The following ADAMTSL2 variants were observed in gnomAD, a reference collection of about 807,000 sequenced individuals.
The protein encoded by ADAMTSL2 is ADAMTS like 2.
Under a neutral mutation model 117.0 loss-of-function variants are expected in ADAMTSL2, and 55 were observed. The ratio of observed to expected loss-of-function variants is 0.47; its 90% confidence interval spans 0.38 to 0.59. ADAMTSL2 has a LOEUF of 0.59. ADAMTSL2 is among the 20% of genes least tolerant of loss of function. The pLI, the probability that ADAMTSL2 is intolerant of heterozygous loss-of-function variation, is 0.00. For synonymous variants in ADAMTSL2, 572 were observed against 566.4 expected (o/e 1.01, Z -0.14); for missense variants, 1,182 against 1,354.5 (o/e 0.87, Z 2.00).
intron 11 of ADAMTSL2, 76 bp downstream of exon 11, chr9:133,556,006 G>A (rs888484753): frequency 4.8e-5 from 75 of 1,561,086 alleles, no homozygotes; most frequent in Non-Finnish European, 6.3e-5. Context: ...AGAAAGTGAG[G>A]CCCCACTGGG....
At position 133,540,875 on chromosome 9, in the gene ADAMTSL2, C is replaced by T; in HGVS notation, c.559-3C>T. On this transcript the variant is annotated splice_polypyrimidine_tract_variant and splice_region_variant and intron_variant, in intron 6 of 18. Transcript: ENST00000651351. ...GCAGCCCTCTCCCTCTCCCTTCCTGCAGCCCATCGGCTGTGACGGGGTGCT... is the reference window on the plus strand; with the variant it reads ...GCAGCCCTCTCCCTCTCCCTTCCTGTAGCCCATCGGCTGTGACGGGGTGCT... The T allele has an allele frequency of 1.9e-6, 3 of 1,613,434 alleles. No individual in the cohort carries two copies. The highest frequency in any genetic ancestry group is 1.7e-6 in the Non-Finnish European group (2 of 1,180,010).
intron 16 of ADAMTSL2, 113 bp from the exon 17 acceptor site, chr9:133,570,218 A>G (rs1373095943): frequency 1.7e-6 from 2 of 1,208,726 alleles, no homozygotes; most frequent in Non-Finnish European, 2.3e-6. Context: ...GCACTGGAGC[A>G]TTCTCACCCA....
intron 5 of ADAMTSL2, 117 bp from the exon 6 acceptor site, chr9:133,540,481 G>C: frequency 2.2e-6 from 3 of 1,392,076 alleles, no homozygotes; most frequent in Non-Finnish European, 3.0e-6. Flanking sequence ...TGTTCTCCAG[G>C]CCTGAGTTGC....
At chr9:133,564,625 G>A (rs867154616) in intron 12 of ADAMTSL2, among the ~76,000 whole-genome samples, 137 of 20,586 alleles carry the variant, frequency 6.7e-3, no homozygotes, top group Admixed American at 0.011. Context: ...AGAGAGAGAG[G>A]GAGAGAGAGA....
At chr9:133,569,137 T>C (rs924889464) in intron 15 of ADAMTSL2, among the ~76,000 whole-genome samples, 3 of 152,074 alleles carry the variant, frequency 2.0e-5, no homozygotes, top group Non-Finnish European at 4.4e-5. Flanking sequence ...GTCTCTCTCA[T>C]CGAGAGAGAT....
Position 133,534,711 on chromosome 9 carries a change from T to C in ADAMTSL2, c.-357T>C. 4 of 1,375,734 alleles carry C rather than the reference T, an allele frequency of 2.9e-6. No homozygotes were observed. The highest frequency in any genetic ancestry group is 3.8e-6 in the Non-Finnish European group (4 of 1,058,340). The allele number at this position is 1,375,734 out of a possible 1,614,324, so 85.2% of individuals were successfully genotyped here. On this transcript the variant is annotated 5_prime_UTR_variant, in exon 1 of 19. Transcript: ENST00000651351. Reference sequence around the variant, plus strand: ...CGCCGGCGCAGAGCCGCCACTGGGCTGCGCCCCTCCCGGGAACCCCCTCTC... The same window carrying C: ...CGCCGGCGCAGAGCCGCCACTGGGCCGCGCCCCTCCCGGGAACCCCCTCTC...
chr9:133,533,678 G>A (rs1330034368), upstream of ADAMTSL2, among the ~76,000 whole-genome samples: 1 of 152,214 alleles, frequency 6.6e-6, no homozygotes, highest in Non-Finnish European at 1.5e-5. Context: ...GAAGGCAGCT[G>A]AAGGAACTCA....
chr9:133,570,290 T>C (rs1831073493), intron 16 of ADAMTSL2, 41 bp from the exon 17 acceptor site: 1 of 1,535,188 alleles, frequency 6.5e-7, no homozygotes, highest in Admixed American at 2.0e-5. Flanking sequence ...AGGGTCCTGC[T>C]GGGCCCTGGC....
intron 12 of ADAMTSL2, among the ~76,000 whole-genome samples, chr9:133,566,470 T>A (rs1830976070): frequency 6.6e-6 from 1 of 152,092 alleles, no homozygotes; most frequent in Non-Finnish European, 1.5e-5. Context: ...GGATGCTTGC[T>A]AAGGACTGGG....
At chr9:133,551,834 T>G (rs1830492450) in intron 9 of ADAMTSL2, among the ~76,000 whole-genome samples, 2 of 147,596 alleles carry the variant, frequency 1.4e-5, no homozygotes. Context: ...TTTTTTTTTT[T>G]TTTTGTTATT....
In ADAMTSL2 at chr9:133,534,731, C is replaced by A; in HGVS notation, c.-337C>A. 7.2e-7 allele frequency: 1 copy of A among 1,390,272 alleles called. No homozygotes were observed. Among genetic ancestry groups the A allele is most frequent in the Non-Finnish European group, 9.4e-7 (1 of 1,065,216 alleles). The allele number at this position is 1,390,272 out of a possible 1,614,324, so 86.1% of individuals were successfully genotyped here. A position where few individuals can be genotyped will look rare whatever the true frequency, so the allele number is the denominator to read the frequency against. On this transcript the variant is annotated 5_prime_UTR_variant, in exon 1 of 19. Coordinates refer to ENST00000651351, the MANE Select transcript of ADAMTSL2 (RefSeq NM_014694.4). ...TGGGCTGCGCCCCTCCCGGGAACCCCCTCTCTTGGATGCTCTTTGAAGTGG... is the reference window on the plus strand; with the variant it reads ...TGGGCTGCGCCCCTCCCGGGAACCCACTCTCTTGGATGCTCTTTGAAGTGG...
upstream of ADAMTSL2, among the ~76,000 whole-genome samples, chr9:133,533,974 TGCTCCACCCACTCTC>T (rs548051460): frequency 2.4e-4 from 37 of 152,314 alleles, 1 homozygote; most frequent in South Asian, 7.5e-3. Context: ...GGGGCTCTGC[TGCTCCACCCACTCTC>T]GCTCCCCTCT....
At chr9:133,540,799 C>G in intron 6 of ADAMTSL2, 56 bp downstream of exon 6, 1 of 1,613,406 alleles carries the variant, frequency 6.2e-7, no homozygotes, top group Non-Finnish European at 8.5e-7. Context: ...ACTGCCCGCC[C>G]GCCTGTGGGA....
chr9:133,566,680 C>T (rs1454804853), intron 12 of ADAMTSL2, among the ~76,000 whole-genome samples: 5 of 134,642 alleles, frequency 3.7e-5, no homozygotes, highest in East Asian at 2.6e-4. Context: ...ACTCAAAGCC[C>T]GGACTCCGTG....
At chr9:133,559,560 G>A (rs1392098623) in intron 11 of ADAMTSL2, among the ~76,000 whole-genome samples, 51 of 149,838 alleles carry the variant, frequency 3.4e-4, no homozygotes, top group Non-Finnish European at 5.9e-4. Context: ...CACCATGTCA[G>A]CCAGGATGGT....
rs1564184753 is a variant in ADAMTSL2, at chr9:133,574,050, G to A, written c.2737+63G>A. The A allele has an allele frequency of 3.2e-6, 5 of 1,551,672 alleles. No individual in the cohort carries two copies. The East Asian group carries it at 9.5e-5, about 29-fold the overall frequency. Reference sequence around the variant, plus strand: ...CCCAGGGGAGGCGAGGACAGAGTCAGGGCCTGAGGGGTGAGCAGACATTGC... The same window carrying A: ...CCCAGGGGAGGCGAGGACAGAGTCAAGGCCTGAGGGGTGAGCAGACATTGC... On this transcript the variant is annotated intron_variant, in intron 18 of 18. Coordinates refer to ENST00000651351, the MANE Select transcript of ADAMTSL2 (RefSeq NM_014694.4).
chr9:133,569,696 A>C (rs1831059789), intron 16 of ADAMTSL2, 118 bp downstream of exon 16: 1 of 1,048,146 alleles, frequency 9.5e-7, no homozygotes, highest in African/African-American at 1.6e-5. Context: ...ATTGCAAATT[A>C]TGAAGGGACA....
chr9:133,548,087 A>G (rs13292704), intron 9 of ADAMTSL2, among the ~76,000 whole-genome samples: 128,561 of 152,198 alleles, frequency 0.84, 55,073 homozygotes, highest in Non-Finnish European at 0.92. Context: ...GCCACCCCAC[A>G]ACCTGGGCTG....
chr9:133,557,440 T>A lies in ADAMTSL2; in HGVS notation c.1649+1510T>A, dbSNP rs1425049742. On this transcript the variant is annotated intron_variant, in intron 11 of 18. Transcript: ENST00000651351. This position sits in a 1 kb window ranked among gnomAD's most constrained non-coding sequence, Gnocchi z 5.2. ...CAGGGCTGTCTGCTCACCCTTTACC[T>A]TGGCATGCTCAAAGCCTTGGGTAGG... Among the ~76,000 whole-genome samples, 8 of 152,152 alleles carry A rather than the reference T, an allele frequency of 5.3e-5. No homozygotes were observed. The highest frequency in any genetic ancestry group is 1.0e-4 in the Non-Finnish European group (7 of 68,022).
Sources: gnomAD v4.1 joint callset for allele counts (sites outside exome capture counted in the v4.1 genomes callset) on GRCh38, gnomAD v4.1.1 for gene constraint, Gnocchi (gnomAD v3.1) non-coding constraint, MANE v1.5 for transcripts, NCBI Gene and HGNC (gene_info 2026-07-23, HGNC 2026-07-21) for gene names.